Variants in SLC39A11 observed in about 807,000 individuals in gnomAD.
SLC39A11 encodes solute carrier family 39 member 11.
Under a neutral mutation model 36.1 loss-of-function variants are expected in SLC39A11, and 33 were observed. That is an observed-to-expected ratio of 0.91 (90% confidence interval 0.69 to 1.22). SLC39A11 has a LOEUF of 1.22. SLC39A11 is among the 50% of genes most tolerant of loss of function. SLC39A11 has a pLI of 0.00. For synonymous variants in SLC39A11, 166 were observed against 170.3 expected (o/e 0.97, Z 0.20); for missense variants, 432 against 430.3 (o/e 1.00, Z -0.03).
intron 5 of SLC39A11, among the ~76,000 whole-genome samples, chr17:72,883,825 G>A (rs1426204637): frequency 1.3e-5 from 2 of 152,208 alleles, no homozygotes; most frequent in Non-Finnish European, 2.9e-5. Flanking sequence ...TTGGGCCCAA[G>A]TAGGGCCTGG....
chr17:72,847,563 G>C (rs1013520993), intron 6 of SLC39A11, among the ~76,000 whole-genome samples: 1 of 152,158 alleles, frequency 6.6e-6, no homozygotes, highest in Non-Finnish European at 1.5e-5. Flanking sequence ...CTAAGATTAG[G>C]ATAGAAATAA....
intron 6 of SLC39A11, among the ~76,000 whole-genome samples, chr17:72,817,155 T>C (rs2077609280): frequency 2.0e-5 from 3 of 152,044 alleles, no homozygotes; most frequent in South Asian, 4.2e-4. Context: ...ATTTGGCCAA[T>C]GGTTCTGAAG....
rs117521294 is a variant in SLC39A11, at chr17:72,826,165, T to C, written c.601+23469A>G. Among the ~76,000 whole-genome samples, 1,492 of 152,318 alleles carry C rather than the reference T, an allele frequency of 9.8e-3. 24 individuals are homozygous for C. The highest frequency in any genetic ancestry group is 0.03 in the African/African-American group (1,238 of 41,570). The stretch of plus-strand genomic sequence containing the variant: ...AGGTGACTGGATCACGAGGGTGGAC[T>C]TCCCCCTTGCTGTTATCATGATAGT... On this transcript the variant is annotated intron_variant, in intron 6 of 9. Transcript: ENST00000255559.
At chr17:72,951,049 C>T (rs187935423) in intron 4 of SLC39A11, among the ~76,000 whole-genome samples, 312 of 151,544 alleles carry the variant, frequency 2.1e-3, no homozygotes, top group Non-Finnish European at 3.7e-3. Flanking sequence ...ATCACTTGAG[C>T]CCAGGAGTTC....
At chr17:72,699,306 G>A (rs1201853139) in intron 7 of SLC39A11, among the ~76,000 whole-genome samples, 2 of 152,256 alleles carry the variant, frequency 1.3e-5, no homozygotes, top group Non-Finnish European at 2.9e-5. Flanking sequence ...ATCTCATAAT[G>A]TCTTAACAGA....
chr17:73,067,910 C>T (rs560318418), intron 3 of SLC39A11: 34 of 1,607,492 alleles, frequency 2.1e-5, no homozygotes, highest in Admixed American at 5.0e-5. Flanking sequence ...AACCAGTTTA[C>T]CATCACTGCC....
intron 5 of SLC39A11, among the ~76,000 whole-genome samples, chr17:72,937,337 C>T (rs1206259833): frequency 1.3e-5 from 2 of 152,226 alleles, no homozygotes; most frequent in South Asian, 2.1e-4. Context: ...TGCCTGTAAT[C>T]CCAGCTACTC....
At chr17:72,755,075 A>G (rs1446905820) in intron 6 of SLC39A11, among the ~76,000 whole-genome samples, 1 of 148,880 alleles carries the variant, frequency 6.7e-6, no homozygotes, top group African/African-American at 2.4e-5. Flanking sequence ...ACACTCCAGG[A>G]CTGGTCTCTG....
intron 6 of SLC39A11, among the ~76,000 whole-genome samples, chr17:72,785,384 G>A (rs1051001240): frequency 2.2e-4 from 27 of 123,534 alleles, no homozygotes; most frequent in Non-Finnish European, 4.4e-4. Context: ...CAGAGAAAGA[G>A]TCGGGAGAAT....
intron 7 of SLC39A11, among the ~76,000 whole-genome samples, chr17:72,652,710 T>C (rs991992020): frequency 6.6e-6 from 1 of 152,216 alleles, no homozygotes; most frequent in African/African-American, 2.4e-5. Flanking sequence ...CAAAGAGACC[T>C]GGCTTGGCTG....
intron 6 of SLC39A11, among the ~76,000 whole-genome samples, chr17:72,790,932 C>A (rs1406576556): frequency 6.6e-6 from 1 of 152,168 alleles, no homozygotes; most frequent in Non-Finnish European, 1.5e-5. Context: ...AATGGTGAGG[C>A]CAATCCATGT....
intron 3 of SLC39A11, among the ~76,000 whole-genome samples, chr17:73,040,374 T>C (rs2059066394): frequency 6.6e-6 from 1 of 152,204 alleles, no homozygotes; most frequent in South Asian, 2.1e-4. Flanking sequence ...GAATAAAAGG[T>C]ACGCCTCCCT....
At chr17:72,804,590 G>C (rs2077193607) in intron 6 of SLC39A11, among the ~76,000 whole-genome samples, 1 of 152,194 alleles carries the variant, frequency 6.6e-6, no homozygotes, top group African/African-American at 2.4e-5. Flanking sequence ...GATGAGTAAG[G>C]CAGAGTGGTA....
At chr17:73,041,669 A>G (rs1448504044) in intron 3 of SLC39A11, among the ~76,000 whole-genome samples, 1 of 152,256 alleles carries the variant, frequency 6.6e-6, no homozygotes, top group East Asian at 1.9e-4. Context: ...CAATGCGAGT[A>G]AAGAATCCTA....
intron 7 of SLC39A11, among the ~76,000 whole-genome samples, chr17:72,651,443 T>G (rs527858102): frequency 6.6e-6 from 1 of 152,234 alleles, no homozygotes; most frequent in East Asian, 1.9e-4. Context: ...GTGCTTACTG[T>G]ATACAAGATC....
chr17:72,772,261 C>T (rs1416711572), intron 6 of SLC39A11, among the ~76,000 whole-genome samples: 2 of 152,220 alleles, frequency 1.3e-5, no homozygotes, highest in African/African-American at 4.8e-5. Flanking sequence ...CATACCTGAG[C>T]ACTCTGTGCC....
chr17:72,964,681 G>A (rs987460082), intron 4 of SLC39A11, among the ~76,000 whole-genome samples: 45 of 152,308 alleles, frequency 3.0e-4, no homozygotes, highest in African/African-American at 1.1e-3. Flanking sequence ...AACCATTGTG[G>A]AAGACAGTGT....
At chr17:72,919,379 G>A (rs2083509471) in intron 5 of SLC39A11, among the ~76,000 whole-genome samples, 2 of 152,130 alleles carry the variant, frequency 1.3e-5, no homozygotes, top group South Asian at 4.1e-4. Flanking sequence ...GAAAGAGACA[G>A]GGAAGAGAAA....
intron 5 of SLC39A11, among the ~76,000 whole-genome samples, chr17:72,876,692 C>T (rs2080914929): frequency 6.6e-6 from 1 of 152,184 alleles, no homozygotes; most frequent in Non-Finnish European, 1.5e-5. Flanking sequence ...AACTCCTCTA[C>T]TCCTCCCTAA....
Sources: gnomAD v4.1 joint callset for allele counts (sites outside exome capture counted in the v4.1 genomes callset) on GRCh38, gnomAD v4.1.1 for gene constraint, MANE v1.5 for transcripts, NCBI Gene and HGNC (gene_info 2026-07-23, HGNC 2026-07-21) for gene names.